Variants in USP34 observed in about 807,000 individuals in gnomAD.
USP34 encodes the protein ubiquitin specific peptidase 34, also known as ubiquitin carboxyl-terminal hydrolase 34.
In USP34, 70 loss-of-function variants were observed where a neutral mutation model predicts 460.3. That is an observed-to-expected ratio of 0.15 (90% CI 0.13 to 0.19). USP34 has a LOEUF of 0.19. USP34 is among the 10% of genes least tolerant of loss of function. The probability of loss-of-function intolerance (pLI) is 1.00; values close to 1 mark genes in which losing one functional copy is unlikely to be tolerated. For missense variants in USP34, 3,985 were observed against 4,236.2 expected, an observed-to-expected ratio of 0.94 and a Z score of 1.65; for synonymous variants, 1,647 against 1,405.3, an observed-to-expected ratio of 1.17 and a Z score of -3.85.
chr2:61,262,509 ATGGTCTTGTTCTTTTTTT>A lies in USP34; in HGVS notation c.5779-2751_5779-2734del, dbSNP rs574422270. On this transcript the variant is annotated intron_variant, in intron 43 of 79. Transcript: ENST00000398571. Reference sequence around the variant, plus strand: ...TTCCATACATGTTTTTGCAAAAGACATGGTCTTGTTCTTTTTTTATGGCTGCATAGTGTTCTATGCTGT... The same window carrying A: ...TTCCATACATGTTTTTGCAAAAGACAATGGCTGCATAGTGTTCTATGCTGT... 4.0e-4 allele frequency among the ~76,000 whole-genome samples: 61 copies of A among 152,264 alleles called. No homozygotes were observed. The East Asian group carries it at 0.011, about 28-fold the overall frequency.
intron 16 of USP34, among the ~76,000 whole-genome samples, chr2:61,341,278 C>A (rs918472795): frequency 6.6e-6 from 1 of 152,170 alleles, no homozygotes; most frequent in East Asian, 1.9e-4. Flanking sequence ...AATCTTTTCA[C>A]AGACATGTTT....
chr2:61,205,492 G>A (rs1164449988), intron 72 of USP34, among the ~76,000 whole-genome samples: 2 of 151,922 alleles, frequency 1.3e-5, no homozygotes, highest in African/African-American at 4.8e-5. Context: ...AAATAGTTAC[G>A]GTCTCTCGAG....
intron 4 of USP34, 71 bp downstream of exon 4, chr2:61,395,112 A>G: frequency 1.4e-6 from 2 of 1,445,040 alleles, no homozygotes; most frequent in Non-Finnish European, 1.9e-6. Flanking sequence ...TATAAATAAT[A>G]AAACATATGG....
intron 10 of USP34, among the ~76,000 whole-genome samples, chr2:61,356,611 CA>C (rs774257905): frequency 3.3e-5 from 5 of 152,110 alleles, no homozygotes; most frequent in Non-Finnish European, 5.9e-5. Context: ...AAGCCAGTCA[CA>C]AAAGGACAAA....
At chr2:61,198,667 G>T (rs567115166) in intron 75 of USP34, among the ~76,000 whole-genome samples, 2 of 151,734 alleles carry the variant, frequency 1.3e-5, no homozygotes, top group African/African-American at 4.8e-5. Flanking sequence ...TCAGGAGTTC[G>T]AGACCAGCCT....
At chr2:61,298,572 A>AAAAAC (rs1690115222) in intron 29 of USP34, among the ~76,000 whole-genome samples, 32 of 130,150 alleles carry the variant, frequency 2.5e-4, no homozygotes, top group East Asian at 9.1e-4. Context: ...AAAAAAAAAA[A>AAAAAC]TCTGCTGAAA....
intron 8 of USP34, among the ~76,000 whole-genome samples, chr2:61,375,626 G>T (rs747543565): frequency 2.0e-5 from 3 of 151,770 alleles, no homozygotes; most frequent in Non-Finnish European, 4.4e-5. Flanking sequence ...AAAATTAGCC[G>T]GAAGTGGTGG....
chr2:61,263,567 C>T lies in USP34; in HGVS notation c.5778+1830G>A, dbSNP rs192159049. On this transcript the variant is annotated intron_variant, in intron 43 of 79. Coordinates refer to ENST00000398571, the MANE Select transcript of USP34 (RefSeq NM_014709.4). ...CGCCATCTTGGCTCACTGCAACCTCCGCCTCCTGGGTTCAAGGGATTCTCC... is the reference window on the plus strand; with the variant it reads ...CGCCATCTTGGCTCACTGCAACCTCTGCCTCCTGGGTTCAAGGGATTCTCC... Among the ~76,000 whole-genome samples, 1,080 of 151,646 alleles carry T rather than the reference C, an allele frequency of 7.1e-3. 9 individuals carry two copies. Among genetic ancestry groups the T allele is most frequent in the Non-Finnish European group, 0.011 (722 of 67,938 alleles).
intron 1 of USP34, among the ~76,000 whole-genome samples, chr2:61,467,319 AAATAAT>A (rs755241430): frequency 6.6e-6 from 1 of 151,926 alleles, no homozygotes; most frequent in Non-Finnish European, 1.5e-5. Flanking sequence ...AAAAATAAAA[AAATAAT>A]AATAATAAAA....
Position 61,313,031 on chromosome 2 carries a change from C to G in USP34, c.3543-1121G>C, listed in dbSNP as rs148884938. On this transcript the variant is annotated intron_variant, in intron 25 of 79. Transcript: ENST00000398571. The stretch of plus-strand genomic sequence containing the variant: ...AGGCAATTTTCAATTAATAATAGCA[C>G]TAAGCACATCAAGAACAAAATTTTG... 8.0e-4 allele frequency among the ~76,000 whole-genome samples: 121 copies of G among 152,180 alleles called. 3 individuals carry two copies. The East Asian group carries it at 0.018, about 23-fold the overall frequency.
intron 29 of USP34, among the ~76,000 whole-genome samples, chr2:61,298,537 C>CAAAAAAAAAAAAAAAAAAA (rs57087400): frequency 1.4e-4 from 4 of 28,288 alleles, no homozygotes; most frequent in Non-Finnish European, 1.6e-4. Context: ...GACTCTGTCT[C>CAAAAAAAAAAAAAAAAAAA]AAAAAAAAAA....
intron 37 of USP34, among the ~76,000 whole-genome samples, chr2:61,282,021 GCT>G (rs1483152990): frequency 1.3e-5 from 2 of 152,112 alleles, no homozygotes; most frequent in Non-Finnish European, 2.9e-5. Context: ...ACAGAGTCTT[GCT>G]CTGTCTTCCA....
At chr2:61,426,597 A>T (rs148819651) in intron 1 of USP34, among the ~76,000 whole-genome samples, 120 of 152,342 alleles carry the variant, frequency 7.9e-4, no homozygotes, top group African/African-American at 2.8e-3. Flanking sequence ...CTTAACTCCC[A>T]GACAACACTT....
intron 25 of USP34, among the ~76,000 whole-genome samples, chr2:61,313,971 AAATAG>A (rs1350434304): frequency 6.6e-6 from 1 of 152,144 alleles, no homozygotes; most frequent in East Asian, 1.9e-4. Context: ...AATTTTTAAC[AAATAG>A]AATTTCTTAA....
intron 7 of USP34, among the ~76,000 whole-genome samples, chr2:61,378,913 GAAA>G (rs34463913): frequency 2.9e-4 from 17 of 57,872 alleles, no homozygotes; most frequent in African/African-American, 3.6e-4. Flanking sequence ...TCAAAAAAAC[GAAA>G]AAAAAAAAAA....
chr2:61,343,860 G>T lies in USP34; in HGVS notation c.2455C>A (p.His819Asn). Residue 819 changes from histidine (H) to asparagine (N), a missense_variant, in exon 16 of 80, where the codon CAT (histidine) becomes AAT (asparagine). His to Asn is a moderately conservative substitution (Grantham distance 68). Coordinates refer to ENST00000398571, the MANE Select transcript of USP34 (RefSeq NM_014709.4). ...HAELTSHLQQ[H>N]LPNLASIYHE... is the part of the protein sequence containing the mutation. ...TAAATGGAAGCTAAATTGGGAAGATGTTGTTGGAGGTGAGATGTCAGTTCC... is the reference window on the plus strand; with the variant it reads ...TAAATGGAAGCTAAATTGGGAAGATTTTGTTGGAGGTGAGATGTCAGTTCC... 6.2e-7 allele frequency: 1 copy of T among 1,613,974 alleles called. No individual in the cohort carries two copies. The highest frequency in any genetic ancestry group is 1.3e-5 in the African/African-American group (1 of 75,040).
At chr2:61,353,548 C>T (rs959679275) in intron 10 of USP34, among the ~76,000 whole-genome samples, 1 of 151,584 alleles carries the variant, frequency 6.6e-6, no homozygotes, top group South Asian at 2.1e-4. Flanking sequence ...TGTGCCACCA[C>T]ACCCAGCTAG....
rs143102604 is a variant in USP34 at position 61,218,895 on chromosome 2, G to A, written c.8047+1415C>T. Among the ~76,000 whole-genome samples, 426 of 152,202 alleles carry A rather than the reference G, an allele frequency of 2.8e-3. 1 individual carries two copies. The highest frequency in any genetic ancestry group is 9.5e-3 in the African/African-American group (393 of 41,516). On this transcript the variant is annotated intron_variant, in intron 67 of 79. Coordinates refer to ENST00000398571, the MANE Select transcript of USP34 (RefSeq NM_014709.4). Reference sequence around the variant, plus strand: ...TGATGTTAATTAACCTTTATCACCCGGCTGAGTTGTACTGTAAAGTTTCTT... The same window carrying A: ...TGATGTTAATTAACCTTTATCACCCAGCTGAGTTGTACTGTAAAGTTTCTT...
intron 1 of USP34, among the ~76,000 whole-genome samples, chr2:61,443,279 A>T (rs1490071962): frequency 6.6e-6 from 1 of 152,126 alleles, no homozygotes; most frequent in Non-Finnish European, 1.5e-5. Flanking sequence ...AATAGCTACA[A>T]AGAGGCCACA....
Sources: allele counts gnomAD v4.1 joint callset (sites outside exome capture counted in the v4.1 genomes callset), GRCh38; gene constraint gnomAD v4.1.1; transcripts MANE v1.5; gene names NCBI Gene and HGNC (gene_info 2026-07-23, HGNC 2026-07-21).